KL: variants seen among roughly 807,000 people sequenced by gnomAD.
KL encodes the protein alpha-klotho.
A neutral mutation model predicts 84.2 loss-of-function variants in KL; 62 were observed. The observed-to-expected ratio is 0.74, with a 90% CI of 0.60 to 0.91. KL has a LOEUF of 0.91. Ranked by LOEUF, KL falls within the 40% of genes least tolerant of loss-of-function variation. The pLI is 0.00. For missense variants in KL, 1,261 were observed against 1,305.7 expected, an observed-to-expected ratio of 0.97 and a Z score of 0.53; for synonymous variants, 528 against 528.0, an observed-to-expected ratio of 1.00 and a Z score of 0.00.
chr13:33,026,950 T>A (rs1333867924), intron 1 of KL, among the ~76,000 whole-genome samples: 1 of 152,182 alleles, frequency 6.6e-6, no homozygotes, highest in Admixed American at 6.5e-5. Flanking sequence ...ATGTCAGGCA[T>A]TTCCGCCTGC....
In KL at chr13:33,065,339, C is replaced by G. The variant is rs1264502116; in HGVS notation, c.*1153C>G. On this transcript the variant is annotated 3_prime_UTR_variant, in exon 5 of 5. Transcript: ENST00000380099. ...AGCTTTGAACTAGTTTTACTTTGAA[C>G]TTTCACGCTGAAACATGCTAGTGAT... 2.4e-5 allele frequency: 5 copies of G among 208,232 alleles called. No homozygotes were observed. Among genetic ancestry groups the G allele is most frequent in the Admixed American group, 1.2e-4 (2 of 16,836 alleles). 12.9% of individuals were successfully genotyped at this position (208,232 alleles called of 1,614,324 possible). A position where few individuals can be genotyped will look rare whatever the true frequency, so the allele number is the denominator to read the frequency against.
chr13:33,037,030 A>G (rs1871164872), intron 1 of KL, among the ~76,000 whole-genome samples: 1 of 152,204 alleles, frequency 6.6e-6, no homozygotes, highest in South Asian at 2.1e-4. Flanking sequence ...AAGGTTTGAA[A>G]GCAAAATGCT....
chr13:33,040,499 C>G (rs1024387589), intron 1 of KL, among the ~76,000 whole-genome samples: 2 of 152,052 alleles, frequency 1.3e-5, no homozygotes, highest in African/African-American at 4.8e-5. Flanking sequence ...CTGGAGGGCC[C>G]TTTTCTTAGA....
At position 33,055,180 on chromosome 13, in the gene KL, G is replaced by A. The variant is rs145255620; in HGVS notation, c.1464G>A (p.Leu488=). ...ACTTTCTAAGCCAGGACAAGATGTT[G>A]TTGCCAAAGTCTTCAGCCTTGTTCT... is the stretch of plus-strand genomic sequence containing the variant. ...YVDFLSQDKM[L]LPKSSALFYQ... The change falls in exon 3 of 5, where the codon TTG becomes TTA. Residue 488 remains leucine, a synonymous_variant. Coordinates refer to ENST00000380099, the MANE Select transcript of KL (RefSeq NM_004795.4). 1 of 1,614,234 alleles carries A rather than the reference G, an allele frequency of 6.2e-7. No homozygotes were observed. The highest frequency in any genetic ancestry group is 8.5e-7 in the Non-Finnish European group (1 of 1,180,048).
At chr13:33,026,955 G>A (rs1014621788) in intron 1 of KL, among the ~76,000 whole-genome samples, 1 of 152,102 alleles carries the variant, frequency 6.6e-6, no homozygotes, top group African/African-American at 2.4e-5. Flanking sequence ...AGGCATTTCC[G>A]CCTGCTCAGC....
At position 33,016,982 on chromosome 13, in the gene KL, G is replaced by A. The variant is rs1410348351; in HGVS notation, c.542G>A (p.Arg181Gln). 23 of 1,595,198 alleles carry A rather than the reference G, an allele frequency of 1.4e-5. No individual in the cohort carries two copies. The highest frequency in any genetic ancestry group is 3.4e-5 in the Admixed American group (2 of 58,328). ...RYYRRLLERL[R>Q]ELGVQPVVTL... ...TACCGGCGCCTGCTGGAGCGGCTGC[G>A]GGAGCTGGGCGTGCAGCCCGTGGTC... is the stretch of plus-strand genomic sequence containing the variant. Residue 181 changes from arginine (R) to glutamine (Q), a missense_variant, in exon 1 of 5, where the codon CGG (arginine) becomes CAG (glutamine). Coordinates refer to ENST00000380099, the MANE Select transcript of KL (RefSeq NM_004795.4).
chr13:33,032,009 G>C (rs1004323645), intron 1 of KL, among the ~76,000 whole-genome samples: 1 of 151,974 alleles, frequency 6.6e-6, no homozygotes, highest in Non-Finnish European at 1.5e-5. Context: ...GTCAGAGCTG[G>C]GGTCAAAACT....
intron 1 of KL, among the ~76,000 whole-genome samples, chr13:33,023,200 A>C (rs1045954412): frequency 6.6e-6 from 1 of 152,180 alleles, no homozygotes; most frequent in African/African-American, 2.4e-5. Context: ...GATTCTATTA[A>C]GTTGAAATCA....
intron 1 of KL, among the ~76,000 whole-genome samples, chr13:33,049,847 A>T (rs1005086823): frequency 6.6e-6 from 1 of 152,136 alleles, no homozygotes; most frequent in African/African-American, 2.4e-5. Context: ...AGAGCAATAC[A>T]TGTTTATGGT....
intron 1 of KL, 127 bp downstream of exon 1, chr13:33,017,386 C>A: frequency 1.1e-6 from 1 of 887,274 alleles, no homozygotes; most frequent in Non-Finnish European, 1.7e-6. Context: ...TATGTGGTCA[C>A]CGGGGGAAAC....
chr13:33,027,418 C>A (rs1870817891), intron 1 of KL, among the ~76,000 whole-genome samples: 1 of 152,220 alleles, frequency 6.6e-6, no homozygotes, highest in Non-Finnish European at 1.5e-5. Context: ...CTTGGCATAA[C>A]TGATCTGCCT....
chr13:33,020,616 C>T (rs887861785), intron 1 of KL, among the ~76,000 whole-genome samples: 3 of 152,160 alleles, frequency 2.0e-5, no homozygotes, highest in African/African-American at 7.2e-5. Flanking sequence ...AGTTGTTGGA[C>T]CCCGAATCTT....
intron 1 of KL, among the ~76,000 whole-genome samples, chr13:33,051,440 A>G (rs564605717): frequency 6.6e-6 from 1 of 152,258 alleles, no homozygotes; most frequent in African/African-American, 2.4e-5. Flanking sequence ...TTGAAGTGGG[A>G]CGATTGCTTG....
chr13:33,017,382 G>A lies in KL; in HGVS notation c.819+123G>A, dbSNP rs371654267. On this transcript the variant is annotated intron_variant, in intron 1 of 4. Transcript: ENST00000380099. ...GGCTTCACTTGGACACGTGTATGTGGTCACCGGGGGAAACTGAGCAGTTCT... is the reference window on the plus strand; with the variant it reads ...GGCTTCACTTGGACACGTGTATGTGATCACCGGGGGAAACTGAGCAGTTCT... 75 of 920,046 alleles carry A rather than the reference G, an allele frequency of 8.2e-5. No homozygotes were observed. The East Asian group carries it at 1.0e-3, about 12-fold the overall frequency. 57.0% of individuals were successfully genotyped at this position (920,046 alleles called of 1,614,324 possible). A position where few individuals can be genotyped will look rare whatever the true frequency, so the allele number is the denominator to read the frequency against.
rs886050121 is a variant in KL at position 33,064,360 on chromosome 13, A to G, written c.*174A>G. On this transcript the variant is annotated 3_prime_UTR_variant, in exon 5 of 5. Transcript: ENST00000380099. ...AAATGGGCATAGGTGATCGTAAAAT[A>G]TTGAATAATGCGAATAGTGCCTGAA... The G allele has an allele frequency of 8.7e-6, 5 of 575,088 alleles. No individual in the cohort carries two copies. The highest frequency in any genetic ancestry group is 8.6e-5 in the South Asian group (4 of 46,738). 35.6% of individuals were successfully genotyped at this position (575,088 alleles called of 1,614,324 possible).
chr13:33,064,742 C>A lies in KL; in HGVS notation c.*556C>A, dbSNP rs542218088. On this transcript the variant is annotated 3_prime_UTR_variant, in exon 5 of 5. Coordinates refer to ENST00000380099, the MANE Select transcript of KL (RefSeq NM_004795.4). Reference sequence around the variant, plus strand: ...AATGTTCCTTTCGAAAGCAATGCTTCTATCAAATACTAGTATTAATTTATG... The same window carrying A: ...AATGTTCCTTTCGAAAGCAATGCTTATATCAAATACTAGTATTAATTTATG... The A allele has an allele frequency of 9.4e-5, 21 of 224,012 alleles. No individual in the cohort carries two copies. Among genetic ancestry groups the A allele is most frequent in the African/African-American group, 4.7e-4 (21 of 44,926 alleles). 13.9% of individuals were successfully genotyped at this position (224,012 alleles called of 1,614,324 possible).
chr13:33,035,168 A>G (rs115875212), intron 1 of KL, among the ~76,000 whole-genome samples: 42 of 152,336 alleles, frequency 2.8e-4, no homozygotes, highest in African/African-American at 1.0e-3. Flanking sequence ...CTGTAATTGT[A>G]TCCTGTTCAA....
intron 3 of KL, among the ~76,000 whole-genome samples, chr13:33,057,260 T>A (rs1871997553): frequency 6.6e-6 from 1 of 152,050 alleles, no homozygotes; most frequent in Non-Finnish European, 1.5e-5. Flanking sequence ...GTGCAGATCA[T>A]GGGAACGAAT....
intron 1 of KL, among the ~76,000 whole-genome samples, chr13:33,018,609 T>C (rs1870457036): frequency 6.6e-6 from 1 of 152,232 alleles, no homozygotes; most frequent in Non-Finnish European, 1.5e-5. Context: ...ATTCTTATAC[T>C]TTTTCAATCC....
Sources: allele counts gnomAD v4.1 joint callset (sites outside exome capture counted in the v4.1 genomes callset), GRCh38; gene constraint gnomAD v4.1.1; transcripts MANE v1.5; gene names NCBI Gene and HGNC (gene_info 2026-07-23, HGNC 2026-07-21).